Variants in ZRANB3 observed in about 807,000 individuals in gnomAD.
ZRANB3 encodes the protein zinc finger RANBP2-type containing 3, also known as DNA annealing helicase and endonuclease ZRANB3.
ZRANB3 carries 125 observed loss-of-function variants against 133.8 expected under a neutral mutation model. That is an observed-to-expected ratio of 0.93 (90% CI 0.81 to 1.08). The LOEUF (loss-of-function observed/expected upper bound fraction) is 1.08. Among genes scored for constraint, ZRANB3 ranks in the 50% least tolerant of loss-of-function variants. The pLI is 0.00. For synonymous variants in ZRANB3, 387 were observed against 432.7 expected (o/e 0.89, Z 1.31); for missense variants, 1,229 against 1,275.5 (o/e 0.96, Z 0.56).
intron 12 of ZRANB3, among the ~76,000 whole-genome samples, chr2:135,257,118 A>G (rs1251151284): frequency 1.3e-5 from 2 of 152,230 alleles, no homozygotes; most frequent in Non-Finnish European, 2.9e-5. Context: ...ATAATCAAGG[A>G]ATAACCATAA....
chr2:135,399,805 T>G (rs1282573639), intron 2 of ZRANB3, among the ~76,000 whole-genome samples: 1 of 152,226 alleles, frequency 6.6e-6, no homozygotes, highest in African/African-American at 2.4e-5. Flanking sequence ...CACAAGATTC[T>G]ATCAATTCGA....
At chr2:135,203,289 A>G (rs1287895612) in intron 19 of ZRANB3, among the ~76,000 whole-genome samples, 1 of 152,136 alleles carries the variant, frequency 6.6e-6, no homozygotes. Context: ...TATTCACTAA[A>G]CCAAATCTAA....
chr2:135,222,233 T>G (rs966629685), intron 15 of ZRANB3, among the ~76,000 whole-genome samples: 3 of 151,796 alleles, frequency 2.0e-5, no homozygotes, highest in Non-Finnish European at 4.4e-5. Flanking sequence ...TGGAACCCTG[T>G]CTCTACTAAA....
At chr2:135,209,596 A>G (rs1161909373) in intron 17 of ZRANB3, among the ~76,000 whole-genome samples, 3 of 152,212 alleles carry the variant, frequency 2.0e-5, no homozygotes. Flanking sequence ...CAACACTAAC[A>G]ATACCACACA....
At chr2:135,228,793 T>TA (rs1415909803) in intron 13 of ZRANB3, among the ~76,000 whole-genome samples, 1 of 152,120 alleles carries the variant, frequency 6.6e-6, no homozygotes, top group Non-Finnish European at 1.5e-5. Context: ...ATTATATTTT[T>TA]TATATATAGT....
chr2:135,378,386 A>G (rs1372123053), intron 3 of ZRANB3, among the ~76,000 whole-genome samples: 1 of 151,906 alleles, frequency 6.6e-6, no homozygotes, highest in Non-Finnish European at 1.5e-5. Context: ...CCAACTACTC[A>G]GGAGGCTGAG....
chr2:135,475,060 C>A (rs913409960), intron 2 of ZRANB3, among the ~76,000 whole-genome samples: 1 of 152,194 alleles, frequency 6.6e-6, no homozygotes, highest in Non-Finnish European at 1.5e-5. Context: ...GTTCTGCAGA[C>A]AAAAGGGCTG....
intron 2 of ZRANB3, among the ~76,000 whole-genome samples, chr2:135,445,878 A>C (rs1316954212): frequency 1.0e-5 from 1 of 99,016 alleles, no homozygotes; most frequent in Non-Finnish European, 1.8e-5. Flanking sequence ...TCCATCTCAA[A>C]AAAAAAAAAA....
At chr2:135,247,614 C>T (rs755847993) in intron 12 of ZRANB3, among the ~76,000 whole-genome samples, 59 of 152,110 alleles carry the variant, frequency 3.9e-4, no homozygotes, top group Non-Finnish European at 7.5e-4. Flanking sequence ...GGAGGTTAGA[C>T]TCCTGTACAT....
intron 2 of ZRANB3, among the ~76,000 whole-genome samples, chr2:135,401,822 G>A (rs1261380635): frequency 6.6e-6 from 1 of 152,042 alleles, no homozygotes; most frequent in East Asian, 1.9e-4. Flanking sequence ...ATTATTATGT[G>A]CAGCTGAACT....
At chr2:135,515,132 A>G (rs1196596283) in intron 1 of ZRANB3, among the ~76,000 whole-genome samples, 2 of 152,184 alleles carry the variant, frequency 1.3e-5, no homozygotes, top group Non-Finnish European at 2.9e-5. Context: ...TTTTGGTATC[A>G]GCATGATGCT....
chr2:135,219,013 T>C (rs1372237013), intron 16 of ZRANB3, 64 bp downstream of exon 16: 13 of 1,146,740 alleles, frequency 1.1e-5, no homozygotes, highest in Non-Finnish European at 1.5e-5. Flanking sequence ...AAAATGATCA[T>C]TAAAATTACT....
At chr2:135,297,281 C>G (rs1189499096) in intron 8 of ZRANB3, among the ~76,000 whole-genome samples, 1 of 152,206 alleles carries the variant, frequency 6.6e-6, no homozygotes, top group African/African-American at 2.4e-5. Flanking sequence ...CAATGGGGGG[C>G]ACCCCTCCCC....
chr2:135,217,661 T>C (rs1030285482), intron 16 of ZRANB3, 54 bp from the exon 17 acceptor site: 2 of 1,576,566 alleles, frequency 1.3e-6, no homozygotes, highest in African/African-American at 1.4e-5. Context: ...ATATCTTCCT[T>C]TGAATGTGAG....
chr2:135,288,040 T>TC (rs1681473478), intron 8 of ZRANB3, among the ~76,000 whole-genome samples: 1 of 152,180 alleles, frequency 6.6e-6, no homozygotes, highest in African/African-American at 2.4e-5. Flanking sequence ...TTTCAACTTT[T>TC]CCCCATTTGG....
At chr2:135,362,054 C>T (rs780721386) in intron 3 of ZRANB3, among the ~76,000 whole-genome samples, 2 of 151,888 alleles carry the variant, frequency 1.3e-5, no homozygotes, top group Admixed American at 6.6e-5. Flanking sequence ...AACAATTAGC[C>T]GGGCATGGTG....
At chr2:135,321,399 C>A (rs1390515700) in intron 6 of ZRANB3, among the ~76,000 whole-genome samples, 2 of 151,972 alleles carry the variant, frequency 1.3e-5, no homozygotes, top group African/African-American at 2.4e-5. Flanking sequence ...CTGTATATCG[C>A]CTTAGGTCAA....
At chr2:135,506,887 T>C (rs1693213977) in intron 1 of ZRANB3, among the ~76,000 whole-genome samples, 1 of 152,180 alleles carries the variant, frequency 6.6e-6, no homozygotes, top group South Asian at 2.1e-4. Flanking sequence ...TAGAAATGAT[T>C]TATGAGTCAG....
chr2:135,212,172 A>C lies in ZRANB3; in HGVS notation c.2496-3194T>G, dbSNP rs529236242. Among the ~76,000 whole-genome samples, 50 of 152,348 alleles carry C rather than the reference A, an allele frequency of 3.3e-4. No individual in the cohort carries two copies. In the South Asian group the frequency reaches 0.01, roughly 31 times the overall value. On this transcript the variant is annotated intron_variant, in intron 17 of 20. Coordinates refer to ENST00000264159, the MANE Select transcript of ZRANB3 (RefSeq NM_032143.4). ...CTTTCTTAGAGCAAAAAGGAAATTAAGCCATCGTGCTCCAGTCTGGGCAGT... is the reference window on the plus strand; with the variant it reads ...CTTTCTTAGAGCAAAAAGGAAATTACGCCATCGTGCTCCAGTCTGGGCAGT...
Sources: allele counts gnomAD v4.1 joint callset (sites outside exome capture counted in the v4.1 genomes callset), GRCh38; gene constraint gnomAD v4.1.1; transcripts MANE v1.5; gene names NCBI Gene and HGNC (gene_info 2026-07-23, HGNC 2026-07-21).